EVI2B: variants seen among roughly 807,000 people sequenced by gnomAD.
The protein encoded by EVI2B is ecotropic viral integration site 2B.
EVI2B carries 4 observed loss-of-function variants against 6.6 expected under a neutral mutation model. The observed-to-expected ratio is 0.61, with a 90% CI of 0.30 to 1.39. EVI2B has a LOEUF of 1.39. EVI2B is among the 40% of genes most tolerant of loss of function. The probability of loss-of-function intolerance (pLI) is 0.08; values close to 1 mark genes in which losing one functional copy is unlikely to be tolerated. For synonymous variants in EVI2B, 181 were observed against 186.8 expected (o/e 0.97, Z 0.25); for missense variants, 484 against 516.6 (o/e 0.94, Z 0.61).
rs554851928 is a variant in EVI2B at position 31,312,005 on chromosome 17, T to C, written c.-22+1974A>G. On this transcript the variant is annotated intron_variant, in intron 1 of 1. Transcript: ENST00000330927. ...CGAAAACTATTATAAGAATTTGGAATGGTTTCTATAAAGTGTCATATTTAG... is the reference window on the plus strand; with the variant it reads ...CGAAAACTATTATAAGAATTTGGAACGGTTTCTATAAAGTGTCATATTTAG... Among the ~76,000 whole-genome samples the C allele has an allele frequency of 2.0e-5, 3 of 152,324 alleles. No homozygotes were observed. The East Asian group carries it at 5.8e-4, about 29-fold the overall frequency.
intron 1 of EVI2B, among the ~76,000 whole-genome samples, chr17:31,306,451 C>T (rs920939071): frequency 6.6e-6 from 1 of 151,974 alleles, no homozygotes; most frequent in African/African-American, 2.4e-5. Flanking sequence ...TCAGCAAATT[C>T]AACATATTTA....
chr17:31,306,797 TA>T (rs200513481), intron 1 of EVI2B, among the ~76,000 whole-genome samples: 2,091 of 138,888 alleles, frequency 0.015, 34 homozygotes, highest in African/African-American at 0.037. Flanking sequence ...TTTAGGAGAT[TA>T]AAAAAAAAAA....
rs137972690 is a variant in EVI2B, at chr17:31,306,351, A to G, written c.-21-721T>C. 9.0e-3 allele frequency among the ~76,000 whole-genome samples: 1,366 copies of G among 151,842 alleles called. 16 individuals carry two copies. The highest frequency in any genetic ancestry group is 0.027 in the Middle Eastern group (8 of 294). On this transcript the variant is annotated intron_variant, in intron 1 of 1. Coordinates refer to ENST00000330927, the MANE Select transcript of EVI2B (RefSeq NM_006495.4). ...TCCAGCCTACATCTTCTTTGTCCTA[A>G]TTCTATTTGTGTGACTTCTTGGTGG...
In EVI2B at chr17:31,305,340, T is replaced by TTC; in HGVS notation, c.268_269dup (p.Pro92AsnfsTer22). 1 of 1,614,196 alleles carries TTC rather than the reference T, an allele frequency of 6.2e-7. No individual in the cohort carries two copies. Among genetic ancestry groups the TTC allele is most frequent in the Non-Finnish European group, 8.5e-7 (1 of 1,180,030 alleles). Reference sequence around the variant, plus strand: ...CAGCAGAAGTATGTGCTTCTGGTTTTTCAGAAGAGGTATAGACAGCTGGTG... The same window carrying TTC: ...CAGCAGAAGTATGTGCTTCTGGTTTTTCTCAGAAGAGGTATAGACAGCTGGTG... On this transcript the variant is annotated frameshift_variant, in exon 2 of 2. Transcript: ENST00000330927. LOFTEE classifies it low-confidence loss of function (END_TRUNC).
intron 1 of EVI2B, among the ~76,000 whole-genome samples, chr17:31,313,719 AATAT>A (rs1011304227): frequency 5.8e-5 from 6 of 103,244 alleles, no homozygotes; most frequent in African/African-American, 2.3e-4. Flanking sequence ...AAAAAAAAAA[AATAT>A]GTGTGTGTGT....
At chr17:31,311,008 G>A (rs946250012) in intron 1 of EVI2B, among the ~76,000 whole-genome samples, 4 of 149,200 alleles carry the variant, frequency 2.7e-5, no homozygotes, top group African/African-American at 7.5e-5. Flanking sequence ...GTGCAGTGGT[G>A]CAATCTCAGC....
intron 1 of EVI2B, among the ~76,000 whole-genome samples, chr17:31,312,156 G>A (rs543836368): frequency 6.6e-6 from 1 of 152,106 alleles, no homozygotes; most frequent in East Asian, 1.9e-4. Context: ...AATTATGTGG[G>A]AATTAGCTGG....
Position 31,304,215 on chromosome 17 carries a change from AAG to A in EVI2B, c.*46_*47del, listed in dbSNP as rs754399376. On this transcript the variant is annotated 3_prime_UTR_variant, in exon 2 of 2. Transcript: ENST00000330927. ...TATATATGTTAACATATAAAGAAAA[AAG>A]AGTCATTTGAGGATGGAAGATCAGC... The A allele has an allele frequency of 2.7e-6, 4 of 1,505,942 alleles. No homozygotes were observed. Among genetic ancestry groups the A allele is most frequent in the Middle Eastern group, 1.8e-4 (1 of 5,580 alleles). 93.3% of individuals were successfully genotyped at this position (1,505,942 alleles called of 1,614,324 possible). A position where few individuals can be genotyped will look rare whatever the true frequency, so the allele number is the denominator to read the frequency against.
At chr17:31,307,210 C>T (rs746140112) in intron 1 of EVI2B, among the ~76,000 whole-genome samples, 5 of 151,112 alleles carry the variant, frequency 3.3e-5, no homozygotes, top group Non-Finnish European at 7.4e-5. Flanking sequence ...TTAGCACAGA[C>T]GGGGTTTCAC....
chr17:31,305,963 G>A (rs1283703858), intron 1 of EVI2B, among the ~76,000 whole-genome samples: 5 of 152,082 alleles, frequency 3.3e-5, no homozygotes, highest in Admixed American at 6.6e-5. Context: ...TTCTCAAAAC[G>A]CATAGGCTCT....
Position 31,305,635 on chromosome 17 carries a change from AG to A in EVI2B, c.-21-6del, listed in dbSNP as rs531300031. 2.3e-4 allele frequency: 368 copies of A among 1,591,826 alleles called. 1 individual carries two copies. The South Asian group carries it at 4.0e-3, about 17-fold the overall frequency. ...TTCAGAATATTTCCTCGTTATCTAT[AG>A]CGGGTTTATAATGAAAGAGAAAGAC... On this transcript the variant is annotated splice_region_variant and splice_polypyrimidine_tract_variant and intron_variant, in intron 1 of 1. Transcript: ENST00000330927.
chr17:31,312,443 G>T (rs2068901067), intron 1 of EVI2B, among the ~76,000 whole-genome samples: 1 of 151,554 alleles, frequency 6.6e-6, no homozygotes, highest in South Asian at 2.1e-4. Flanking sequence ...CCTGGGAGGC[G>T]GAGGTTGCAG....
intron 1 of EVI2B, chr17:31,307,796 A>T (rs2068763853): frequency 1.1e-6 from 1 of 898,258 alleles, no homozygotes. Context: ...GGTATACATG[A>T]TTAGAAACTA....
chr17:31,311,610 A>T (rs1265991345), intron 1 of EVI2B, among the ~76,000 whole-genome samples: 4 of 152,218 alleles, frequency 2.6e-5, no homozygotes, highest in African/African-American at 9.6e-5. Context: ...TTGTATCATG[A>T]TAGTGACCAT....
At position 31,313,987 on chromosome 17, in the gene EVI2B, T is replaced by C. The variant is rs2042102855; in HGVS notation, c.-30A>G. 2.5e-6 allele frequency: 1 copy of C among 398,128 alleles called. No homozygotes were observed. Among genetic ancestry groups the C allele is most frequent in the African/African-American group, 2.1e-5 (1 of 48,742 alleles). 24.7% of individuals were successfully genotyped at this position (398,128 alleles called of 1,614,324 possible). A position where few individuals can be genotyped will look rare whatever the true frequency, so the allele number is the denominator to read the frequency against. ...TGTGAAAATTTTCTTACCTCAGCTG[T>C]TAACTTCTTTTGCAGAATGCTAAAT... On this transcript the variant is annotated 5_prime_UTR_variant, in exon 1 of 2. Coordinates refer to ENST00000330927, the MANE Select transcript of EVI2B (RefSeq NM_006495.4).
chr17:31,308,358 C>T (rs1239712592), intron 1 of EVI2B, among the ~76,000 whole-genome samples: 2 of 152,064 alleles, frequency 1.3e-5, no homozygotes, highest in Non-Finnish European at 2.9e-5. Context: ...CCAGACCGGT[C>T]TCGAACTCCT....
chr17:31,312,885 C>T (rs886677246), intron 1 of EVI2B, among the ~76,000 whole-genome samples: 1 of 152,022 alleles, frequency 6.6e-6, no homozygotes, highest in Non-Finnish European at 1.5e-5. Flanking sequence ...CCATTTTACC[C>T]ACAGCAAGCA....
At position 31,305,334 on chromosome 17, in the gene EVI2B, T is replaced by C. The variant is rs201399165; in HGVS notation, c.276A>G (p.Pro92=). The stretch of plus-strand genomic sequence containing the variant: ...GTTGTCCAGCAGAAGTATGTGCTTC[T>C]GGTTTTTCAGAAGAGGTATAGACAG... ...TPAVYTSSEK[P]EAHTSAGQPL... is the part of the protein sequence containing the mutation. Residue 92 remains proline (P), a synonymous_variant, in exon 2 of 2, where the codon CCA becomes CCG. Coordinates refer to ENST00000330927, the MANE Select transcript of EVI2B (RefSeq NM_006495.4). The C allele has an allele frequency of 4.0e-4, 650 of 1,614,180 alleles. 12 individuals carry two copies. The highest frequency in any genetic ancestry group is 3.4e-3 in the South Asian group (311 of 91,086).
At position 31,304,549 on chromosome 17, in the gene EVI2B, T is replaced by C. The variant is rs772942383; in HGVS notation, c.1061A>G (p.Gln354Arg). 6 of 1,614,178 alleles carry C rather than the reference T, an allele frequency of 3.7e-6. No individual in the cohort carries two copies. The Admixed American group carries it at 8.3e-5, about 22-fold the overall frequency. The change falls in exon 2 of 2, where the codon CAA becomes CGA. Residue 354 changes from glutamine to arginine, a missense_variant. By Grantham distance (43) the Gln-to-Arg change is conservative. Coordinates refer to ENST00000330927, the MANE Select transcript of EVI2B (RefSeq NM_006495.4). ...LLDLEGQESN[Q>R]SDKPTMTIVS... The stretch of plus-strand genomic sequence containing the variant: ...AATTGTCATTGTGGGTTTGTCAGAT[T>C]GGTTACTTTCCTGTCCTTCCAAATC...
Sources: gnomAD v4.1 joint callset for allele counts (sites outside exome capture counted in the v4.1 genomes callset) on GRCh38, gnomAD v4.1.1 for gene constraint, MANE v1.5 for transcripts, NCBI Gene and HGNC (gene_info 2026-07-23, HGNC 2026-07-21) for gene names.